Variants in DYM observed in about 807,000 individuals in gnomAD.
DYM encodes the protein dyggve-Melchior-Clausen syndrome protein.
In DYM, 78 loss-of-function variants were observed where a neutral mutation model predicts 93.1. That is an observed-to-expected ratio of 0.84 (90% CI 0.70 to 1.01). DYM has a LOEUF of 1.01. Among genes scored for constraint, DYM ranks in the 50% least tolerant of loss-of-function variants. The probability of loss-of-function intolerance (pLI) is 0.00; values close to 1 mark genes in which losing one functional copy is unlikely to be tolerated. For missense variants in DYM, 789 were observed against 845.0 expected, an observed-to-expected ratio of 0.93 and a Z score of 0.82; for synonymous variants, 321 against 319.7, an observed-to-expected ratio of 1.00 and a Z score of -0.04.
chr18:49,128,875 A>G (rs1436507561), intron 15 of DYM, among the ~76,000 whole-genome samples: 1 of 152,198 alleles, frequency 6.6e-6, no homozygotes, highest in East Asian at 1.9e-4. Flanking sequence ...TTAAGTTTCA[A>G]AATAATCATT....
chr18:49,332,905 C>G (rs1330448911), intron 7 of DYM, among the ~76,000 whole-genome samples: 1 of 152,172 alleles, frequency 6.6e-6, no homozygotes. Context: ...AAACCACGGT[C>G]ATTCTGAGTG....
intron 15 of DYM, among the ~76,000 whole-genome samples, chr18:49,148,637 T>C (rs1044147421): frequency 6.6e-6 from 1 of 152,178 alleles, no homozygotes; most frequent in Non-Finnish European, 1.5e-5. Context: ...AAATTAAAGT[T>C]AGCTTAAAAA....
intron 5 of DYM, among the ~76,000 whole-genome samples, chr18:49,363,910 G>C (rs192110352): frequency 2.0e-4 from 31 of 152,308 alleles, no homozygotes; most frequent in Non-Finnish European, 2.2e-4. Context: ...AAGTCAGTCA[G>C]TATCTCATGT....
At chr18:49,109,799 G>A (rs1036612389) in intron 16 of DYM, among the ~76,000 whole-genome samples, 4 of 152,166 alleles carry the variant, frequency 2.6e-5, no homozygotes, top group African/African-American at 9.7e-5. Flanking sequence ...ACTCCAGAAG[G>A]AGATACAAAT....
rs116656601 is a variant in DYM at position 49,398,793 on chromosome 18, C to T, written c.141-7148G>A. 3.5e-3 allele frequency among the ~76,000 whole-genome samples: 528 copies of T among 152,114 alleles called. 4 individuals carry two copies. Among genetic ancestry groups the T allele is most frequent in the African/African-American group, 0.012 (489 of 41,502 alleles). On this transcript the variant is annotated intron_variant, in intron 2 of 17. Transcript: ENST00000675505. Reference sequence around the variant, plus strand: ...CTTCTAATTAATAAATCACTGTGGTCAGATTTAATGATACACATTAGTAGT... The same window carrying T: ...CTTCTAATTAATAAATCACTGTGGTTAGATTTAATGATACACATTAGTAGT...
chr18:49,332,716 G>A (rs985983180), intron 7 of DYM, among the ~76,000 whole-genome samples: 7 of 152,018 alleles, frequency 4.6e-5, no homozygotes, highest in African/African-American at 1.5e-4. Flanking sequence ...AACATATTAC[G>A]GTTTAAATAT....
At chr18:49,258,305 A>T in intron 12 of DYM, 75 bp downstream of exon 12, 2 of 1,040,494 alleles carry the variant, frequency 1.9e-6, no homozygotes, top group Non-Finnish European at 3.0e-6. Context: ...GCATCCTAAA[A>T]ATTGGGATTG....
intron 2 of DYM, among the ~76,000 whole-genome samples, chr18:49,425,324 G>C (rs1600154687): frequency 6.6e-6 from 1 of 152,282 alleles, no homozygotes; most frequent in Middle Eastern, 3.4e-3. Flanking sequence ...ATGGTGCTGG[G>C]AAAACTGGCT....
At chr18:49,246,066 T>G (rs1226591852) in intron 13 of DYM, among the ~76,000 whole-genome samples, 1 of 152,180 alleles carries the variant, frequency 6.6e-6, no homozygotes, top group African/African-American at 2.4e-5. Context: ...GTAGTCCCAG[T>G]TTGTAAAGGA....
rs745464935 is a variant in DYM, at chr18:49,041,710, G to A, written c.*2345C>T. 1 of 152,188 alleles carries A rather than the reference G, an allele frequency of 6.6e-6. No individual in the cohort carries two copies. The highest frequency in any genetic ancestry group is 1.5e-5 in the Non-Finnish European group (1 of 68,076). 9.4% of individuals were successfully genotyped at this position (152,188 alleles called of 1,614,324 possible). On this transcript the variant is annotated 3_prime_UTR_variant, in exon 18 of 18. Coordinates refer to ENST00000675505, the MANE Select transcript of DYM (RefSeq NM_001353214.3). Reference sequence around the variant, plus strand: ...GATGAATGAGAAAAGGGAAAGAGGGGAGGGCAATCAGGGTTCTGGGGGCAC... The same window carrying A: ...GATGAATGAGAAAAGGGAAAGAGGGAAGGGCAATCAGGGTTCTGGGGGCAC...
intron 2 of DYM, among the ~76,000 whole-genome samples, chr18:49,419,520 C>CT (rs2073393608): frequency 6.6e-6 from 1 of 152,124 alleles, no homozygotes; most frequent in African/African-American, 2.4e-5. Flanking sequence ...AGAAGTTCAT[C>CT]TTTTTCCCCA....
In DYM at chr18:49,058,332, T is replaced by C. The variant is rs909542155; in HGVS notation, c.2026-14128A>G. Among the ~76,000 whole-genome samples, 27 of 151,604 alleles carry C rather than the reference T, an allele frequency of 1.8e-4. No homozygotes were observed. The South Asian group carries it at 2.1e-3, about 12-fold the overall frequency. On this transcript the variant is annotated intron_variant, in intron 17 of 17. Coordinates refer to ENST00000675505, the MANE Select transcript of DYM (RefSeq NM_001353214.3). ...TTCTTTTTCTTCTTTTTTTTTTTTTTCCTCAGAGGCAGGGTCTTGCTCTGT... is the reference window on the plus strand; with the variant it reads ...TTCTTTTTCTTCTTTTTTTTTTTTTCCCTCAGAGGCAGGGTCTTGCTCTGT...
chr18:49,371,470 AAATAAT>A (rs919602642), intron 5 of DYM, among the ~76,000 whole-genome samples: 6 of 152,010 alleles, frequency 3.9e-5, no homozygotes, highest in Non-Finnish European at 7.4e-5. Context: ...CTCTGTCTCA[AAATAAT>A]AATAATAATA....
At chr18:49,302,225 TAC>T in intron 8 of DYM, among the ~76,000 whole-genome samples, 1 of 152,200 alleles carries the variant, frequency 6.6e-6, no homozygotes, top group South Asian at 2.1e-4. Context: ...CTCTCTGAAA[TAC>T]AGATTTACAT....
intron 15 of DYM, among the ~76,000 whole-genome samples, chr18:49,160,853 C>A (rs2087018303): frequency 6.6e-6 from 1 of 152,130 alleles, no homozygotes; most frequent in Admixed American, 6.5e-5. Flanking sequence ...GAATGACCAA[C>A]AAAACATTGA....
intron 8 of DYM, among the ~76,000 whole-genome samples, chr18:49,299,912 A>G (rs2939614): frequency 0.016 from 2,469 of 151,190 alleles, 29 homozygotes; most frequent in African/African-American, 0.034. Flanking sequence ...GCGTGGTGGC[A>G]GGCACCTGTA....
chr18:49,051,365 C>T (rs567858664), intron 17 of DYM, among the ~76,000 whole-genome samples: 1 of 152,294 alleles, frequency 6.6e-6, no homozygotes, highest in South Asian at 2.1e-4. Flanking sequence ...CAGTTTGGGG[C>T]AAGTCATAGC....
At chr18:49,266,676 C>G (rs1234728153) in intron 11 of DYM, among the ~76,000 whole-genome samples, 1 of 152,102 alleles carries the variant, frequency 6.6e-6, no homozygotes, top group Non-Finnish European at 1.5e-5. Flanking sequence ...AGTTCTAATT[C>G]TAGTTAATGA....
intron 17 of DYM, among the ~76,000 whole-genome samples, chr18:49,072,026 C>A (rs1190676560): frequency 9.2e-5 from 14 of 152,224 alleles, no homozygotes. Context: ...GACTGGCCTA[C>A]AACAGAATGC....
Sources: gnomAD v4.1 joint callset for allele counts (sites outside exome capture counted in the v4.1 genomes callset) on GRCh38, gnomAD v4.1.1 for gene constraint, MANE v1.5 for transcripts, NCBI Gene and HGNC (gene_info 2026-07-23, HGNC 2026-07-21) for gene names.